The following ME1 variants were observed in gnomAD, a reference collection of about 807,000 sequenced individuals.
The protein encoded by ME1 is malic enzyme 1.
A neutral mutation model predicts 66.4 loss-of-function variants in ME1; 74 were observed. The ratio of observed to expected loss-of-function variants is 1.11; its 90% CI spans 0.92 to 1.35. ME1 has a LOEUF of 1.35. Among genes scored for constraint, ME1 ranks in the 40% most tolerant of loss-of-function variants. The pLI, the probability that ME1 is intolerant of heterozygous loss-of-function variation, is 0.00. For missense variants in ME1, 750 were observed against 694.1 expected (o/e 1.08, Z -0.90); for synonymous variants, 251 against 235.6 (o/e 1.07, Z -0.60).
chr6:83,248,566 T>C lies in ME1; in HGVS notation c.814+5063A>G, dbSNP rs113284442. 8.9e-3 allele frequency among the ~76,000 whole-genome samples: 1,359 copies of C among 152,266 alleles called. 28 individuals are homozygous for C. The highest frequency in any genetic ancestry group is 0.031 in the African/African-American group (1,287 of 41,550). On this transcript the variant is annotated intron_variant, in intron 7 of 13. Coordinates refer to ENST00000369705, the MANE Select transcript of ME1 (RefSeq NM_002395.6). ...CACATGTTGAGGGAGGGACCTGTAG[T>C]TCCCACGTGTTGAGGGAGGGAGGTA...
At chr6:83,300,397 A>G (rs921584727) in intron 6 of ME1, among the ~76,000 whole-genome samples, 4 of 152,104 alleles carry the variant, frequency 2.6e-5, no homozygotes, top group African/African-American at 4.8e-5. Flanking sequence ...GGATCTAACT[A>G]AACTAAAGAG....
intron 1 of ME1, among the ~76,000 whole-genome samples, chr6:83,417,852 T>C (rs985031584): frequency 2.6e-5 from 4 of 152,244 alleles, no homozygotes; most frequent in Non-Finnish European, 5.9e-5. Context: ...CTTGTAAATA[T>C]ATTTGTTAAT....
intron 7 of ME1, among the ~76,000 whole-genome samples, chr6:83,246,273 A>G (rs1407280691): frequency 6.6e-6 from 1 of 152,152 alleles, no homozygotes; most frequent in Non-Finnish European, 1.5e-5. Context: ...GATCTTTTTC[A>G]GTTGAAATAG....
intron 6 of ME1, among the ~76,000 whole-genome samples, chr6:83,264,988 G>T (rs564746580): frequency 6.6e-6 from 1 of 152,296 alleles, no homozygotes; most frequent in African/African-American, 2.4e-5. Context: ...AGCATTGCAT[G>T]CTACAGACAG....
intron 1 of ME1, among the ~76,000 whole-genome samples, chr6:83,420,972 G>A (rs1357726606): frequency 6.6e-6 from 1 of 151,766 alleles, no homozygotes; most frequent in African/African-American, 2.4e-5. Flanking sequence ...CAGTTTAATA[G>A]GCACAAAAGA....
intron 6 of ME1, among the ~76,000 whole-genome samples, chr6:83,292,856 G>A (rs1293079276): frequency 6.6e-6 from 1 of 152,112 alleles, no homozygotes; most frequent in Admixed American, 6.5e-5. Flanking sequence ...AATGGTGGAC[G>A]CCCCTCCCGC....
intron 2 of ME1, among the ~76,000 whole-genome samples, chr6:83,406,011 G>A (rs868306355): frequency 1.3e-5 from 2 of 152,222 alleles, no homozygotes; most frequent in African/African-American, 4.8e-5. Context: ...GTGAGCCACC[G>A]CACCCGGCCA....
At chr6:83,344,831 G>A (rs7768369) in intron 5 of ME1, among the ~76,000 whole-genome samples, 39,279 of 151,450 alleles carry the variant, frequency 0.26, 5,698 homozygotes, top group Middle Eastern at 0.46. Flanking sequence ...TGCAGTGAGC[G>A]GAGATCAGCC....
intron 3 of ME1, among the ~76,000 whole-genome samples, chr6:83,394,571 T>C (rs1213051394): frequency 6.6e-6 from 1 of 152,220 alleles, no homozygotes; most frequent in Admixed American, 6.5e-5. Context: ...GTATGATAAA[T>C]ATTACCACTA....
At chr6:83,365,821 T>C (rs1375204449) in intron 3 of ME1, among the ~76,000 whole-genome samples, 1 of 152,210 alleles carries the variant, frequency 6.6e-6, no homozygotes, top group African/African-American at 2.4e-5. Flanking sequence ...CTTCCATCTG[T>C]ATCCCAGTTA....
chr6:83,392,826 T>C (rs1055287508), intron 3 of ME1: 17 of 740,612 alleles, frequency 2.3e-5, no homozygotes, highest in Middle Eastern at 4.0e-4. Flanking sequence ...GTGTGAACCA[T>C]GAGAAATATG....
chr6:83,254,335 G>T (rs887945781), intron 6 of ME1, among the ~76,000 whole-genome samples: 8 of 152,062 alleles, frequency 5.3e-5, no homozygotes, highest in African/African-American at 1.9e-4. Flanking sequence ...CATTCCTCCC[G>T]TCTAGCTTCA....
intron 12 of ME1, among the ~76,000 whole-genome samples, chr6:83,221,946 C>T (rs552137533): frequency 6.6e-6 from 1 of 152,094 alleles, no homozygotes; most frequent in South Asian, 2.1e-4. Context: ...AGATCACTAG[C>T]TATGATAAGA....
At chr6:83,237,034 T>C (rs915069717) in intron 9 of ME1, among the ~76,000 whole-genome samples, 16 of 41,060 alleles carry the variant, frequency 3.9e-4, no homozygotes, top group Non-Finnish European at 6.3e-4. Flanking sequence ...AGCTGTACAG[T>C]TTTTTTTTTT....
intron 6 of ME1, among the ~76,000 whole-genome samples, chr6:83,291,355 A>T (rs2128534893): frequency 6.6e-6 from 1 of 152,288 alleles, no homozygotes; most frequent in South Asian, 2.1e-4. Context: ...TCTGTAAAGC[A>T]TTTTATTTCT....
Position 83,327,961 on chromosome 6 carries a change from T to G in ME1, c.601-12548A>C, listed in dbSNP as rs576312900. Reference sequence around the variant, plus strand: ...AATAGAAAAGAACCTACGTGATTTTTGGGGCAGGTCCCCTGAAAGATTATA... The same window carrying G: ...AATAGAAAAGAACCTACGTGATTTTGGGGGCAGGTCCCCTGAAAGATTATA... On this transcript the variant is annotated intron_variant, in intron 5 of 13. Coordinates refer to ENST00000369705, the MANE Select transcript of ME1 (RefSeq NM_002395.6). Among the ~76,000 whole-genome samples, 9 of 152,130 alleles carry G rather than the reference T, an allele frequency of 5.9e-5. No homozygotes were observed. In the East Asian group the frequency reaches 7.7e-4, roughly 13 times the overall value.
At chr6:83,213,657 G>T in intron 13 of ME1, among the ~76,000 whole-genome samples, 1 of 151,972 alleles carries the variant, frequency 6.6e-6, no homozygotes, top group East Asian at 2.0e-4. Flanking sequence ...GTGAGCCACC[G>T]TGCCCAGCCG....
intron 5 of ME1, among the ~76,000 whole-genome samples, chr6:83,317,660 T>G (rs1170009715): frequency 2.0e-5 from 3 of 152,140 alleles, no homozygotes; most frequent in African/African-American, 7.2e-5. Context: ...CTTTATTTCC[T>G]TCTCCTGCCT....
chr6:83,366,024 G>A (rs1008329278), intron 3 of ME1, among the ~76,000 whole-genome samples: 9 of 152,046 alleles, frequency 5.9e-5, no homozygotes, highest in African/African-American at 7.2e-5. Flanking sequence ...AACAGTGACC[G>A]CCTAGGGAAT....
Sources: allele counts gnomAD v4.1 joint callset (sites outside exome capture counted in the v4.1 genomes callset), GRCh38; gene constraint gnomAD v4.1.1; transcripts MANE v1.5; gene names NCBI Gene and HGNC (gene_info 2026-07-23, HGNC 2026-07-21).